Variants in CYYR1 observed in about 807,000 individuals in gnomAD.
The protein encoded by CYYR1 is cysteine and tyrosine rich 1.
A neutral mutation model predicts 15.2 loss-of-function variants in CYYR1; 14 were observed. That is an observed-to-expected ratio of 0.92 (90% CI 0.61 to 1.44). The LOEUF (loss-of-function observed/expected upper bound fraction) is 1.44. CYYR1 is among the 40% of genes most tolerant of loss of function. The pLI is 0.00. For missense variants in CYYR1, 228 were observed against 209.5 expected, an observed-to-expected ratio of 1.09 and a Z score of -0.54; for synonymous variants, 80 against 77.4, an observed-to-expected ratio of 1.03 and a Z score of -0.18.
At chr21:26,485,558 T>G (rs1274599789) in intron 2 of CYYR1, among the ~76,000 whole-genome samples, 1 of 152,114 alleles carries the variant, frequency 6.6e-6, no homozygotes, top group African/African-American at 2.4e-5. Context: ...TCAAGAAGAT[T>G]ATACAAATGG....
At chr21:26,515,152 T>C (rs1034243474) in intron 2 of CYYR1, among the ~76,000 whole-genome samples, 7 of 152,204 alleles carry the variant, frequency 4.6e-5, no homozygotes, top group African/African-American at 1.4e-4. Flanking sequence ...TCTAAGAACA[T>C]ACTAGTTGCC....
At chr21:26,504,363 C>T (rs1036287351) in intron 2 of CYYR1, among the ~76,000 whole-genome samples, 2 of 151,960 alleles carry the variant, frequency 1.3e-5, no homozygotes, top group Non-Finnish European at 2.9e-5. Context: ...CTCTGCCTCC[C>T]GGGTTCAAGC....
chr21:26,506,316 AT>A (rs1373381671), intron 2 of CYYR1, among the ~76,000 whole-genome samples: 2 of 152,188 alleles, frequency 1.3e-5, no homozygotes, highest in Non-Finnish European at 2.9e-5. Context: ...ATTTATCTGC[AT>A]TGTGACGTTC....
intron 3 of CYYR1, among the ~76,000 whole-genome samples, chr21:26,479,052 A>C (rs1398235209): frequency 6.6e-6 from 1 of 152,098 alleles, no homozygotes; most frequent in East Asian, 1.9e-4. Flanking sequence ...GGATAAAATG[A>C]ATTGGTTTGG....
chr21:26,534,156 G>A (rs1205037034), intron 2 of CYYR1, among the ~76,000 whole-genome samples: 1 of 152,098 alleles, frequency 6.6e-6, no homozygotes, highest in African/African-American at 2.4e-5. Context: ...ATTTGCATTT[G>A]TTTGTTTACC....
At chr21:26,563,326 C>A (rs2123723160) in intron 2 of CYYR1, among the ~76,000 whole-genome samples, 1 of 151,910 alleles carries the variant, frequency 6.6e-6, no homozygotes, top group Non-Finnish European at 1.5e-5. Flanking sequence ...CCTGTCAGCA[C>A]TTTGGGAAGC....
chr21:26,567,499 A>T (rs529243700), intron 1 of CYYR1, among the ~76,000 whole-genome samples: 5 of 152,162 alleles, frequency 3.3e-5, no homozygotes, highest in African/African-American at 2.4e-5. Context: ...ATTCCACCTA[A>T]ATGATTTATG....
chr21:26,544,121 AT>A (rs1978781009), intron 2 of CYYR1, among the ~76,000 whole-genome samples: 1 of 152,124 alleles, frequency 6.6e-6, no homozygotes, highest in African/African-American at 2.4e-5. Flanking sequence ...AAGAATTTTA[AT>A]GGCGATATTT....
At chr21:26,509,773 T>G (rs1372451950) in intron 2 of CYYR1, among the ~76,000 whole-genome samples, 1 of 152,168 alleles carries the variant, frequency 6.6e-6, no homozygotes, top group African/African-American at 2.4e-5. Context: ...TTTATCCAAC[T>G]CGTTCCAGAA....
At chr21:26,478,270 C>T in intron 3 of CYYR1, 2 of 1,166,738 alleles carry the variant, frequency 1.7e-6, no homozygotes, top group Non-Finnish European at 2.4e-6. Flanking sequence ...AGAAGGGACA[C>T]ATTACAATCT....
intron 2 of CYYR1, among the ~76,000 whole-genome samples, chr21:26,556,699 C>A (rs1392429629): frequency 6.6e-6 from 1 of 152,076 alleles, no homozygotes; most frequent in Non-Finnish European, 1.5e-5. Context: ...CTCATGAGGA[C>A]TCACTCACTA....
intron 2 of CYYR1, among the ~76,000 whole-genome samples, chr21:26,555,493 A>T (rs1979708553): frequency 6.6e-6 from 1 of 152,166 alleles, no homozygotes; most frequent in Non-Finnish European, 1.5e-5. Context: ...ATATGTTTAA[A>T]GTAATTTGTC....
chr21:26,484,251 T>G, intron 2 of CYYR1, among the ~76,000 whole-genome samples: 1 of 152,104 alleles, frequency 6.6e-6, no homozygotes, highest in East Asian at 1.9e-4. Flanking sequence ...CCAACTGACC[T>G]TTATCTGCAA....
At chr21:26,521,271 A>T (rs1402528699) in intron 2 of CYYR1, among the ~76,000 whole-genome samples, 2 of 152,248 alleles carry the variant, frequency 1.3e-5, no homozygotes, top group African/African-American at 4.8e-5. Flanking sequence ...CAGGTGAAAC[A>T]GTTTTAAGAG....
Position 26,466,265 on chromosome 21 carries a change from C to G in CYYR1, c.*2236G>C, listed in dbSNP as rs1337836637. On this transcript the variant is annotated 3_prime_UTR_variant, in exon 4 of 4. Transcript: ENST00000652641. Reference sequence around the variant, plus strand: ...TTATTGCTTATTGTAAACACTTTGGCCATAGCAAATGTTAGTTTTTAAATA... The same window carrying G: ...TTATTGCTTATTGTAAACACTTTGGGCATAGCAAATGTTAGTTTTTAAATA... 2 of 152,144 alleles carry G rather than the reference C, an allele frequency of 1.3e-5. No individual in the cohort carries two copies. Among genetic ancestry groups the G allele is most frequent in the Non-Finnish European group, 2.9e-5 (2 of 68,006 alleles). 9.4% of individuals were successfully genotyped at this position (152,144 alleles called of 1,614,324 possible).
At chr21:26,482,405 G>T in intron 2 of CYYR1, 1 of 985,174 alleles carries the variant, frequency 1.0e-6, no homozygotes, top group Non-Finnish European at 1.2e-6. Context: ...TAGCTTATCA[G>T]TTCTGTTCTG....
chr21:26,571,010 A>G (rs1462788777), intron 1 of CYYR1, among the ~76,000 whole-genome samples: 1 of 152,214 alleles, frequency 6.6e-6, no homozygotes, highest in East Asian at 1.9e-4. Context: ...GTCCTCATGA[A>G]GCTTACTCTT....
At chr21:26,572,168 T>C (rs1393327469) in intron 1 of CYYR1, among the ~76,000 whole-genome samples, 1 of 152,214 alleles carries the variant, frequency 6.6e-6, no homozygotes, top group Non-Finnish European at 1.5e-5. Flanking sequence ...TATGAACTGA[T>C]GCAAAGACCA....
intron 2 of CYYR1, among the ~76,000 whole-genome samples, chr21:26,537,221 T>C (rs973624453): frequency 6.6e-6 from 1 of 152,146 alleles, no homozygotes; most frequent in African/African-American, 2.4e-5. Context: ...AAATCAGGTA[T>C]GGATTTGACT....
Sources: allele counts gnomAD v4.1 joint callset (sites outside exome capture counted in the v4.1 genomes callset), GRCh38; gene constraint gnomAD v4.1.1; transcripts MANE v1.5; gene names NCBI Gene and HGNC (gene_info 2026-07-23, HGNC 2026-07-21).